CEP164: variants seen among roughly 807,000 people sequenced by gnomAD.
The protein encoded by CEP164 is centrosomal protein of 164 kDa.
A neutral mutation model predicts 182.7 loss-of-function variants in CEP164; 162 were observed. The ratio of observed to expected loss-of-function variants is 0.89; its 90% CI spans 0.78 to 1.01. CEP164 has a LOEUF of 1.01. CEP164 is among the 50% of genes least tolerant of loss of function. The pLI, the probability that CEP164 is intolerant of heterozygous loss-of-function variation, is 0.00. For missense variants in CEP164, 1,735 were observed against 1,790.4 expected (o/e 0.97, Z 0.56); for synonymous variants, 661 against 690.0 (o/e 0.96, Z 0.66).
chr11:117,377,261 C>G (rs1187548689), intron 11 of CEP164, among the ~76,000 whole-genome samples: 1 of 152,186 alleles, frequency 6.6e-6, no homozygotes, highest in Non-Finnish European at 1.5e-5. Flanking sequence ...ATGCACAGAT[C>G]ACGATAGGGT....
In CEP164 at chr11:117,396,035, CTCA is replaced by C; in HGVS notation, c.3090-16_3090-14del. 6.2e-7 allele frequency: 1 copy of C among 1,614,044 alleles called. No homozygotes were observed. Among genetic ancestry groups the C allele is most frequent in the Non-Finnish European group, 8.5e-7 (1 of 1,179,980 alleles). ...TCGCCAGCCGCTGCCCTGCCTCTCACTCATCTTTCCTTCCACAGCAGCCTGGAG... is the reference window on the plus strand; with the variant it reads ...TCGCCAGCCGCTGCCCTGCCTCTCACTCTTTCCTTCCACAGCAGCCTGGAG... On this transcript the variant is annotated splice_polypyrimidine_tract_variant and intron_variant, in intron 24 of 32. Transcript: ENST00000278935.
rs751277203 is a variant in CEP164 at position 117,351,931 on chromosome 11, GAA to G, written c.346_347del (p.Lys116GlyfsTer88). ...CAACTTCTGGGGCCATTAAGAAGAA[GAA>G]AAAAAAAAAGGAAAAGAAAGACAAG... ...LSTSGAIKKK[K>X]KKKEKKDKKD... is the part of the protein sequence containing the mutation. On this transcript the variant is annotated frameshift_variant, in exon 5 of 33. Transcript: ENST00000278935. LOFTEE classifies it high-confidence loss of function. The G allele has an allele frequency of 9.7e-6, 12 of 1,240,722 alleles. No homozygotes were observed. Among genetic ancestry groups the G allele is most frequent in the African/African-American group, 3.2e-5 (2 of 62,530 alleles). The allele number at this position is 1,240,722 out of a possible 1,614,324, so 76.9% of individuals were successfully genotyped here.
intron 14 of CEP164, chr11:117,384,480 A>C (rs1323668676): frequency 1.3e-5 from 2 of 152,192 alleles, no homozygotes; most frequent in Non-Finnish European, 2.9e-5. Context: ...AGAGAGAGGA[A>C]GATTGGGCAG....
At chr11:117,369,978 A>G (rs114927539) in intron 8 of CEP164, among the ~76,000 whole-genome samples, 109 of 152,330 alleles carry the variant, frequency 7.2e-4, no homozygotes, top group African/African-American at 2.5e-3. Flanking sequence ...GCTTCATGGA[A>G]GTGTTTCCTA....
chr11:117,326,937 T>C (rs1020615162), upstream of CEP164, among the ~76,000 whole-genome samples: 2 of 152,218 alleles, frequency 1.3e-5, no homozygotes, highest in African/African-American at 4.8e-5. Flanking sequence ...TGGAGACATA[T>C]GAGAGAAAGG....
chr11:117,396,719 C>A, intron 26 of CEP164, 108 bp downstream of exon 26: 2 of 915,918 alleles, frequency 2.2e-6, no homozygotes, highest in South Asian at 1.3e-5. Context: ...CGGTGATCAC[C>A]AGTGGGGCTT....
intron 27 of CEP164, among the ~76,000 whole-genome samples, chr11:117,398,416 AG>A (rs1304413164): frequency 2.0e-5 from 3 of 152,166 alleles, no homozygotes; most frequent in African/African-American, 7.2e-5. Context: ...GGGGGTCTGG[AG>A]GACGGTGGCC....
intron 9 of CEP164, among the ~76,000 whole-genome samples, chr11:117,371,795 C>CTTTTTTT (rs34338708): frequency 2.9e-5 from 4 of 138,382 alleles, no homozygotes; most frequent in Non-Finnish European, 3.1e-5. Flanking sequence ...CCCTCTTGTA[C>CTTTTTTT]TTTTTTTTTT....
intron 4 of CEP164, among the ~76,000 whole-genome samples, chr11:117,351,566 A>G (rs1462382491): frequency 1.3e-5 from 2 of 152,030 alleles, no homozygotes; most frequent in East Asian, 1.9e-4. Flanking sequence ...TTCTTCCTAT[A>G]TCTAAGCTAA....
Position 117,411,726 on chromosome 11 carries a change from C to T in CEP164, c.4164-69C>T. The T allele has an allele frequency of 1.3e-6, 2 of 1,594,572 alleles. No individual in the cohort carries two copies. Among genetic ancestry groups the T allele is most frequent in the African/African-American group, 1.3e-5 (1 of 74,756 alleles). Reference sequence around the variant, plus strand: ...AGGGAGGAGGTGACAGATGTGATGGCCTCTGTGCATCCTCTGTCACTTCCG... The same window carrying T: ...AGGGAGGAGGTGACAGATGTGATGGTCTCTGTGCATCCTCTGTCACTTCCG... On this transcript the variant is annotated intron_variant, in intron 31 of 32. Coordinates refer to ENST00000278935, the MANE Select transcript of CEP164 (RefSeq NM_014956.5). This position sits in a 1 kb window ranked among gnomAD's most constrained non-coding sequence, Gnocchi z 4.4.
chr11:117,375,579 A>T (rs2042656455), intron 10 of CEP164, 129 bp from the exon 11 acceptor site: 2 of 687,982 alleles, frequency 2.9e-6, no homozygotes, highest in East Asian at 2.5e-5. Context: ...TAGATGTTGA[A>T]ATGTTTGGCA....
intron 1 of CEP164, among the ~76,000 whole-genome samples, chr11:117,333,585 G>A (rs1754288281): frequency 6.6e-6 from 1 of 152,086 alleles, no homozygotes; most frequent in Admixed American, 6.5e-5. Flanking sequence ...CTGGAGTGTG[G>A]TGGCACAATC....
intron 27 of CEP164, among the ~76,000 whole-genome samples, chr11:117,405,003 C>T (rs2046516449): frequency 6.6e-6 from 1 of 152,192 alleles, no homozygotes; most frequent in Non-Finnish European, 1.5e-5. Flanking sequence ...AGATGCCCCG[C>T]CCCCACCAAG....
chr11:117,355,630 C>A (rs1356542262), intron 5 of CEP164: 10 of 1,196,770 alleles, frequency 8.4e-6, no homozygotes, highest in Non-Finnish European at 1.1e-5. Context: ...TGTTAGATAG[C>A]AGCCCTACTG....
At chr11:117,355,000 A>G in intron 5 of CEP164, 1 of 1,289,674 alleles carries the variant, frequency 7.8e-7, no homozygotes, top group Non-Finnish European at 1.0e-6. Flanking sequence ...CTCCGTCAGC[A>G]CCTGGGCTTG....
At chr11:117,372,021 T>G (rs1393931834) in intron 9 of CEP164, among the ~76,000 whole-genome samples, 2 of 152,004 alleles carry the variant, frequency 1.3e-5, no homozygotes, top group Non-Finnish European at 2.9e-5. Context: ...TGGTATTTTT[T>G]GTAGAGATAG....
At chr11:117,370,643 G>C (rs990441560) in intron 8 of CEP164, among the ~76,000 whole-genome samples, 3 of 152,182 alleles carry the variant, frequency 2.0e-5, no homozygotes, top group Non-Finnish European at 4.4e-5. Context: ...GGGTGTGGTG[G>C]CTCACGCCTG....
In CEP164 at chr11:117,361,947, T is replaced by A; in HGVS notation, c.506T>A (p.Leu169Gln). The A allele has an allele frequency of 6.2e-7, 1 of 1,605,222 alleles. No individual in the cohort carries two copies. The highest frequency in any genetic ancestry group is 1.1e-5 in the South Asian group (1 of 89,500). ...SALRGSQSVS[L>Q]GSSVESGRQL... is the part of the protein sequence containing the mutation. ...CTTCGTGGATCTCAAAGCGTGAGCC[T>A]GGGGAGCTCAGTGGAGTCTGGACGT... Residue 169 changes from leucine to glutamine, a missense_variant, in exon 6 of 33, where the codon CTG becomes CAG. Transcript: ENST00000278935.
At chr11:117,391,260 G>A in intron 17 of CEP164, 45 bp downstream of exon 17, 1 of 1,548,862 alleles carries the variant, frequency 6.5e-7, no homozygotes, top group Non-Finnish European at 8.8e-7. Context: ...CTGTGTCTGG[G>A]CTGCCTGGGG....
Sources: allele counts gnomAD v4.1 joint callset (sites outside exome capture counted in the v4.1 genomes callset), GRCh38; gene constraint gnomAD v4.1.1; non-coding constraint Gnocchi (gnomAD v3.1); transcripts MANE v1.5; gene names NCBI Gene and HGNC (gene_info 2026-07-23, HGNC 2026-07-21).